AOAH: variants seen among roughly 807,000 people sequenced by gnomAD.
AOAH encodes acyloxyacyl hydrolase (neutrophil).
Under a neutral mutation model 92.2 loss-of-function variants are expected in AOAH, and 64 were observed. That is an observed-to-expected ratio of 0.69 (90% confidence interval 0.57 to 0.86). The LOEUF (loss-of-function observed/expected upper bound fraction) is 0.86. AOAH is among the 40% of genes least tolerant of loss of function. The pLI is 0.00. For synonymous variants in AOAH, 263 were observed against 254.5 expected (o/e 1.03, Z -0.32); for missense variants, 656 against 694.6 (o/e 0.94, Z 0.62).
At chr7:36,548,937 T>C (rs1785995836) in intron 14 of AOAH, among the ~76,000 whole-genome samples, 1 of 152,190 alleles carries the variant, frequency 6.6e-6, no homozygotes, top group Non-Finnish European at 1.5e-5. Flanking sequence ...TGGATTGAGG[T>C]CCTGGGTAAA....
intron 1 of AOAH, among the ~76,000 whole-genome samples, chr7:36,714,298 A>C (rs576350897): frequency 1.5e-4 from 23 of 152,338 alleles, no homozygotes; most frequent in African/African-American, 5.3e-4. Flanking sequence ...ATCTCTTAAT[A>C]GACCAATAAC....
chr7:36,644,324 C>T (rs995009106), intron 4 of AOAH, among the ~76,000 whole-genome samples: 6 of 151,928 alleles, frequency 3.9e-5, no homozygotes, highest in South Asian at 2.1e-4. Flanking sequence ...AGATGTTAAA[C>T]GGTGTGCTTT....
chr7:36,577,446 T>TTGAG (rs926577297), intron 12 of AOAH, among the ~76,000 whole-genome samples: 1 of 151,964 alleles, frequency 6.6e-6, no homozygotes, highest in African/African-American at 2.4e-5. Flanking sequence ...CTGGGTGGAG[T>TTGAG]TGAGCTCCCA....
chr7:36,667,273 C>T (rs560948524), intron 3 of AOAH, among the ~76,000 whole-genome samples: 2 of 152,346 alleles, frequency 1.3e-5, no homozygotes, highest in East Asian at 3.9e-4. Flanking sequence ...CCCACTCCAT[C>T]TCACCTGGGA....
chr7:36,539,489 C>T (rs907744645), intron 16 of AOAH, among the ~76,000 whole-genome samples: 2 of 152,284 alleles, frequency 1.3e-5, no homozygotes, highest in East Asian at 3.9e-4. Flanking sequence ...GGTCATTTTC[C>T]CATTGTAATA....
chr7:36,590,594 C>T (rs1200492802), intron 12 of AOAH, among the ~76,000 whole-genome samples: 1 of 152,192 alleles, frequency 6.6e-6, no homozygotes, highest in Non-Finnish European at 1.5e-5. Flanking sequence ...AGGGAAGGAG[C>T]CATTTCCTCT....
At chr7:36,519,498 T>A (rs1485536521) in intron 20 of AOAH, among the ~76,000 whole-genome samples, 1 of 152,244 alleles carries the variant, frequency 6.6e-6, no homozygotes, top group Non-Finnish European at 1.5e-5. Flanking sequence ...TGGCATGATC[T>A]CAGCTCATTG....
Position 36,616,464 on chromosome 7 carries a change from G to A in AOAH, c.762C>T (p.Pro254=). Reference sequence around the variant, plus strand: ...AGTCTCCCAGCAAAATGATTCCCCTGGGCTGTGAACCTAGGCAGCACAATT... The same window carrying A: ...AGTCTCCCAGCAAAATGATTCCCCTAGGCTGTGAACCTAGGCAGCACAATT... ...YEKKFCEGSQ[P]RGIILLGDSA... Residue 254 remains proline (P), a synonymous_variant, in exon 11 of 21, where the codon CCC becomes CCT. Coordinates refer to ENST00000617537, the MANE Select transcript of AOAH (RefSeq NM_001637.4). The A allele has an allele frequency of 6.2e-7, 1 of 1,613,934 alleles. No individual in the cohort carries two copies.
chr7:36,661,300 TAA>T (rs1185913052), intron 3 of AOAH: 1 of 152,220 alleles, frequency 6.6e-6, no homozygotes, highest in Non-Finnish European at 1.5e-5. Context: ...ACTCTCAGAA[TAA>T]GAGAAGCTCG....
At chr7:36,711,859 G>A (rs1185527345) in intron 1 of AOAH, among the ~76,000 whole-genome samples, 1 of 152,068 alleles carries the variant, frequency 6.6e-6, no homozygotes, top group Non-Finnish European at 1.5e-5. Flanking sequence ...GCGCTCTTAG[G>A]GCTGAGGACA....
At chr7:36,653,526 G>A (rs1312863510) in intron 4 of AOAH, among the ~76,000 whole-genome samples, 1 of 152,156 alleles carries the variant, frequency 6.6e-6, no homozygotes, top group Non-Finnish European at 1.5e-5. Flanking sequence ...ATGATTCCCT[G>A]TGCATACACA....
chr7:36,594,536 C>T (rs1343995654), intron 11 of AOAH, 106 bp from the exon 12 acceptor site: 14 of 909,598 alleles, frequency 1.5e-5, no homozygotes, highest in Non-Finnish European at 2.5e-5. Flanking sequence ...CTGTTTCCCA[C>T]TCTCAATCTC....
At chr7:36,563,919 G>C (rs1013019133) in intron 13 of AOAH, among the ~76,000 whole-genome samples, 1 of 152,122 alleles carries the variant, frequency 6.6e-6, no homozygotes, top group Non-Finnish European at 1.5e-5. Flanking sequence ...TGTTTGTTGT[G>C]GCAGTTTCTA....
intron 6 of AOAH, among the ~76,000 whole-genome samples, chr7:36,629,937 T>C (rs948424871): frequency 6.6e-6 from 1 of 152,178 alleles, no homozygotes; most frequent in Non-Finnish European, 1.5e-5. Flanking sequence ...ACAAGTGTAA[T>C]CAAATCAAGT....
At chr7:36,517,930 CCCACACACACACA>C (rs1562854998) in intron 20 of AOAH, among the ~76,000 whole-genome samples, 3 of 45,542 alleles carry the variant, frequency 6.6e-5, no homozygotes, top group Non-Finnish European at 2.1e-4. Flanking sequence ...CACACACACA[CCCACACACACACA>C]CCCACACACA....
chr7:36,530,322 C>G, intron 19 of AOAH, 96 bp downstream of exon 19: 1 of 814,602 alleles, frequency 1.2e-6, no homozygotes, highest in Non-Finnish European at 2.1e-6. Flanking sequence ...GCCGAATCTG[C>G]TGCCTGGTGG....
chr7:36,533,817 G>A (rs1418562406), intron 16 of AOAH, among the ~76,000 whole-genome samples: 5 of 151,594 alleles, frequency 3.3e-5, no homozygotes, highest in Non-Finnish European at 2.9e-5. Flanking sequence ...TCCTGGCTTC[G>A]CTCTTTCCCT....
intron 1 of AOAH, among the ~76,000 whole-genome samples, chr7:36,707,520 G>T (rs1798498709): frequency 6.6e-6 from 1 of 152,120 alleles, no homozygotes. Flanking sequence ...GACTTGTTTG[G>T]CATAGGGTTG....
chr7:36,653,739 A>G (rs1235681876), intron 4 of AOAH, among the ~76,000 whole-genome samples: 1 of 152,232 alleles, frequency 6.6e-6, no homozygotes, highest in Non-Finnish European at 1.5e-5. Context: ...CTTTTAATGT[A>G]GATCAAAGTG....
Sources: gnomAD v4.1 joint callset for allele counts (sites outside exome capture counted in the v4.1 genomes callset) on GRCh38, gnomAD v4.1.1 for gene constraint, MANE v1.5 for transcripts, NCBI Gene and HGNC (gene_info 2026-07-23, HGNC 2026-07-21) for gene names.